LRIF1: variants seen among roughly 807,000 people sequenced by gnomAD.
The protein encoded by LRIF1 is ligand dependent nuclear receptor interacting factor 1.
A neutral mutation model predicts 52.7 loss-of-function variants in LRIF1; 32 were observed. The observed-to-expected ratio is 0.61, with a 90% CI of 0.46 to 0.82. The LOEUF is 0.82. LRIF1 is among the 40% of genes least tolerant of loss of function. The pLI is 0.00. For missense variants in LRIF1, 887 were observed against 892.0 expected (o/e 0.99, Z 0.07); for synonymous variants, 323 against 317.4 (o/e 1.02, Z -0.19).
chr1:110,959,235 G>A (rs1463584852), intron 1 of LRIF1, among the ~76,000 whole-genome samples: 1 of 152,102 alleles, frequency 6.6e-6, no homozygotes, highest in East Asian at 1.9e-4. Flanking sequence ...GAACATATTA[G>A]AAAGATTACA....
chr1:110,908,140 C>A, the LRIF1 span, among the ~76,000 whole-genome samples: 1 of 152,198 alleles, frequency 6.6e-6, no homozygotes, highest in Non-Finnish European at 1.5e-5. Flanking sequence ...TCTCACATCA[C>A]AGCAATTCGT....
At chr1:110,942,149 C>T in the LRIF1 span, 1 of 151,960 alleles carries the variant, frequency 6.6e-6, no homozygotes, top group African/African-American at 2.4e-5. Context: ...AGGTTGCTTC[C>T]AATACTTTGC....
downstream of LRIF1, chr1:110,944,445 G>C (rs1412609145): frequency 6.6e-6 from 1 of 152,194 alleles, no homozygotes; most frequent in African/African-American, 2.4e-5. Context: ...GATAAAAACT[G>C]CAAGTTGGCA....
chr1:110,938,369 T>A, the LRIF1 span: 2 of 152,216 alleles, frequency 1.3e-5, no homozygotes, highest in Non-Finnish European at 2.9e-5. Context: ...CATGACTAAG[T>A]GGGATTTATC....
At chr1:110,958,061 A>G (rs1658779552) in intron 1 of LRIF1, among the ~76,000 whole-genome samples, 1 of 152,190 alleles carries the variant, frequency 6.6e-6, no homozygotes, top group Non-Finnish European at 1.5e-5. Flanking sequence ...GCAGACTAAA[A>G]TTGTTTTCAT....
the LRIF1 span, among the ~76,000 whole-genome samples, chr1:110,884,319 G>A: frequency 6.6e-6 from 1 of 151,994 alleles, no homozygotes; most frequent in Non-Finnish European, 1.5e-5. Context: ...AACTTTCTAG[G>A]GATATTTCTG....
the LRIF1 span, among the ~76,000 whole-genome samples, chr1:110,924,421 G>A: frequency 4.6e-4 from 70 of 152,306 alleles, no homozygotes; most frequent in African/African-American, 1.7e-3. Flanking sequence ...GTTCCACATG[G>A]TGGGAAGACC....
chr1:110,895,251 C>T, the LRIF1 span, among the ~76,000 whole-genome samples: 1 of 152,224 alleles, frequency 6.6e-6, no homozygotes, highest in Non-Finnish European at 1.5e-5. Flanking sequence ...TACATTCTCT[C>T]TTTCATCCTT....
At chr1:110,955,141 C>T (rs1198954860) in intron 1 of LRIF1, among the ~76,000 whole-genome samples, 2 of 152,200 alleles carry the variant, frequency 1.3e-5, no homozygotes, top group Non-Finnish European at 2.9e-5. Flanking sequence ...CCTAATCCCC[C>T]CAAGTTCCAT....
chr1:110,876,838 C>T, the LRIF1 span, among the ~76,000 whole-genome samples: 2 of 151,980 alleles, frequency 1.3e-5, no homozygotes, highest in African/African-American at 4.8e-5. Flanking sequence ...TTTCTAAATC[C>T]TTTTCACCCA....
chr1:110,911,841 T>G, the LRIF1 span, among the ~76,000 whole-genome samples: 4 of 152,126 alleles, frequency 2.6e-5, no homozygotes, highest in African/African-American at 9.7e-5. Flanking sequence ...AACTAGCCAA[T>G]GAGGGAATGT....
rs1196784805 is a variant in LRIF1, at chr1:110,959,757, AAG to A, written c.68+3862_68+3863del. On this transcript the variant is annotated intron_variant, in intron 1 of 3. Coordinates refer to ENST00000369763, the MANE Select transcript of LRIF1 (RefSeq NM_018372.4). ...ATCTCAAAAAAAAAAAAAAAAAAAA[AAG>A]AATGAGAAATTTAATAAAAAGGCAC... Among the ~76,000 whole-genome samples, 4 of 150,158 alleles carry A rather than the reference AAG, an allele frequency of 2.7e-5. No individual in the cohort carries two copies. The Admixed American group carries it at 2.8e-4, about 11-fold the overall frequency.
At chr1:110,925,594 A>C in the LRIF1 span, among the ~76,000 whole-genome samples, 2 of 152,214 alleles carry the variant, frequency 1.3e-5, no homozygotes, top group Admixed American at 1.3e-4. Flanking sequence ...GAAGGAAATA[A>C]TAATTTAGTA....
chr1:110,893,233 A>G, the LRIF1 span, among the ~76,000 whole-genome samples: 1 of 152,212 alleles, frequency 6.6e-6, no homozygotes, highest in African/African-American at 2.4e-5. Flanking sequence ...TGGGTTTCTA[A>G]TCACATTGGT....
the LRIF1 span, among the ~76,000 whole-genome samples, chr1:110,886,869 A>ATATATATATATATATATTTT: frequency 1.6e-4 from 13 of 82,772 alleles, no homozygotes; most frequent in African/African-American, 4.3e-4. Flanking sequence ...ATATATATAT[A>ATATATATATATATATATTTT]TTTTTTTTTT....
intron 3 of LRIF1, among the ~76,000 whole-genome samples, chr1:110,948,955 T>TA (rs751536820): frequency 1.3e-5 from 2 of 152,286 alleles, no homozygotes; most frequent in South Asian, 4.1e-4. Context: ...TTCCTTTAGA[T>TA]AGAGTCCTCA....
intron 1 of LRIF1, among the ~76,000 whole-genome samples, chr1:110,959,222 G>A (rs906106205): frequency 1.3e-5 from 2 of 152,142 alleles, no homozygotes; most frequent in African/African-American, 2.4e-5. Context: ...AAAGAGAAAA[G>A]AGGAACATAT....
At chr1:110,886,869 A>ATATATATATATATATATATTTTTTT in the LRIF1 span, among the ~76,000 whole-genome samples, 5 of 82,786 alleles carry the variant, frequency 6.0e-5, no homozygotes, top group Non-Finnish European at 1.1e-4. Flanking sequence ...ATATATATAT[A>ATATATATATATATATATATTTTTTT]TTTTTTTTTT....
downstream of LRIF1, chr1:110,944,504 G>A (rs1416005842): frequency 6.6e-6 from 1 of 152,230 alleles, no homozygotes; most frequent in Non-Finnish European, 1.5e-5. Flanking sequence ...ATCACCAAGA[G>A]AGTGAGTATA....
Sources: gnomAD v4.1 joint callset for allele counts (sites outside exome capture counted in the v4.1 genomes callset) on GRCh38, gnomAD v4.1.1 for gene constraint, MANE v1.5 for transcripts, NCBI Gene and HGNC (gene_info 2026-07-23, HGNC 2026-07-21) for gene names.